Variants in GDPD2 observed in about 807,000 individuals in gnomAD.
GDPD2 encodes the protein glycerophosphodiester phosphodiesterase 3.
In GDPD2, 23 loss-of-function variants were observed where a neutral mutation model predicts 49.2. The ratio of observed to expected loss-of-function variants is 0.47; its 90% CI spans 0.34 to 0.66. The LOEUF (loss-of-function observed/expected upper bound fraction) is 0.66, where lower values mean the gene tolerates loss of function less well. Among genes scored for constraint, GDPD2 ranks in the 30% least tolerant of loss-of-function variants. The probability of loss-of-function intolerance (pLI) is 0.01; values close to 1 mark genes in which losing one functional copy is unlikely to be tolerated. For missense variants in GDPD2, 338 were observed against 424.7 expected (o/e 0.80, Z 1.79); for synonymous variants, 167 against 171.4 (o/e 0.97, Z 0.20).
chrX:70,432,993 G>T, intron 15 of GDPD2, 41 bp from the exon 16 acceptor site: 2 of 1,177,463 alleles, frequency 1.7e-6, no homozygotes, highest in South Asian at 3.6e-5. Flanking sequence ...CTTTCCCCTT[G>T]CTTAACTCCC....
chrX:70,430,187 G>C, intron 12 of GDPD2, 124 bp downstream of exon 12: 1 of 612,930 alleles, frequency 1.6e-6, no homozygotes, highest in Non-Finnish European at 2.5e-6. Flanking sequence ...CAGAACACTT[G>C]CCATGTATCA....
At chrX:70,429,204 G>C (rs2086452867) in intron 10 of GDPD2, among the ~76,000 whole-genome samples, 1 of 111,596 alleles carries the variant, frequency 9.0e-6, no homozygotes, top group Admixed American at 9.5e-5. Flanking sequence ...GCTAGAAAGG[G>C]GCTGATGAAC....
Position 70,433,169 on chromosome X carries a change from C to A in GDPD2, c.*83C>A. ...GGAGAGTGGCTTAAGTGGAATGCTT[C>A]AGGGGTGGTGGGTTGCAAGTGGGGG... On this transcript the variant is annotated 3_prime_UTR_variant, in exon 16 of 16. Coordinates refer to ENST00000374382, the MANE Select transcript of GDPD2 (RefSeq NM_017711.4). The A allele has an allele frequency of 1.3e-6, 1 of 787,396 alleles. No homozygotes were observed. Among genetic ancestry groups the A allele is most frequent in the Non-Finnish European group, 1.9e-6 (1 of 525,488 alleles). The allele number at this position is 787,396 out of a possible 1,213,427, so 64.9% of individuals were successfully genotyped here. A position where few individuals can be genotyped will look rare whatever the true frequency, so the allele number is the denominator to read the frequency against.
At chrX:70,432,184 A>G in intron 12 of GDPD2, 123 bp from the exon 13 acceptor site, 1 of 548,036 alleles carries the variant, frequency 1.8e-6, no homozygotes, top group Non-Finnish European at 3.0e-6. Flanking sequence ...GCTGCTATGG[A>G]AAGGCAGAGC....
At chrX:70,426,542 G>T in intron 6 of GDPD2, 73 bp downstream of exon 6, 2 of 1,059,490 alleles carry the variant, frequency 1.9e-6, no homozygotes, top group Admixed American at 2.3e-5. Flanking sequence ...TCTCGCTCCT[G>T]TTCCCCCAAG....
rs766054771 is a variant in GDPD2 at position 70,425,888 on chromosome X, C to T, written c.303+32C>T. The T allele has an allele frequency of 2.4e-5, 23 of 948,897 alleles. No homozygotes were observed. In the South Asian group the frequency reaches 3.9e-4, roughly 16 times the overall value. The allele number at this position is 948,897 out of a possible 1,213,427, so 78.2% of individuals were successfully genotyped here. ...CCGGAGGCCGCTGGCCTAACCCCAC[C>T]TCAGCCTTCCTTCCTGCTTAGTTTT... On this transcript the variant is annotated intron_variant, in intron 4 of 15. Coordinates refer to ENST00000374382, the MANE Select transcript of GDPD2 (RefSeq NM_017711.4).
intron 5 of GDPD2, 116 bp downstream of exon 5, chrX:70,426,227 C>A: frequency 1.3e-6 from 1 of 793,476 alleles, no homozygotes; most frequent in Non-Finnish European, 1.9e-6. Flanking sequence ...GGACCTGAAG[C>A]CCAGTAAGTG....
chrX:70,431,617 C>T (rs1206721192), intron 12 of GDPD2, among the ~76,000 whole-genome samples: 1 of 113,045 alleles, frequency 8.8e-6, no homozygotes, highest in Non-Finnish European at 1.9e-5. Context: ...GGCATGGTGG[C>T]TCCCACCTGT....
chrX:70,428,011 A>T (rs757087214), intron 10 of GDPD2: 1 of 112,492 alleles, frequency 8.9e-6, no homozygotes, highest in Non-Finnish European at 1.9e-5. Context: ...AAAGTAAAAC[A>T]TCAGAGAAAT....
chrX:70,428,654 G>A (rs1331766152), intron 10 of GDPD2, among the ~76,000 whole-genome samples: 2 of 112,130 alleles, frequency 1.8e-5, no homozygotes, highest in Non-Finnish European at 3.8e-5. Flanking sequence ...CTTACTGGCT[G>A]TGTGACCCGA....
At chrX:70,431,906 C>T (rs937964012) in intron 12 of GDPD2, among the ~76,000 whole-genome samples, 6 of 110,739 alleles carry the variant, frequency 5.4e-5, no homozygotes, top group Non-Finnish European at 1.9e-5. Flanking sequence ...TTTTCAGAGA[C>T]GGGCCCCATA....
chrX:70,432,718 T>C (rs1289111028), intron 14 of GDPD2, 57 bp downstream of exon 14: 1 of 902,815 alleles, frequency 1.1e-6, no homozygotes, highest in Non-Finnish European at 1.6e-6. Flanking sequence ...GCCCTGGTGA[T>C]GAGGCTGCTT....
Position 70,432,626 on chromosome X carries a change from C to T in GDPD2, c.1503C>T (p.Ser501=), listed in dbSNP as rs1340205176. 8.3e-7 allele frequency: 1 copy of T among 1,205,556 alleles called. No individual in the cohort carries two copies. The change falls in exon 14 of 16, where the codon TCC becomes TCT. Residue 501 remains serine, a synonymous_variant. Coordinates refer to ENST00000374382, the MANE Select transcript of GDPD2 (RefSeq NM_017711.4). ...TATGGGTCATTACCAATTGTGTTTCCACCATGCTGCTTTTGTGGACCTTCC... is the reference window on the plus strand; with the variant it reads ...TATGGGTCATTACCAATTGTGTTTCTACCATGCTGCTTTTGTGGACCTTCC... The part of the protein sequence containing the change: ...LIIWVITNCV[S]TMLLLWTFLL...
At chrX:70,423,815 G>A (rs900808295) in intron 1 of GDPD2, among the ~76,000 whole-genome samples, 1 of 110,854 alleles carries the variant, frequency 9.0e-6, no homozygotes, top group Non-Finnish European at 1.9e-5. Flanking sequence ...CCTGCTTACC[G>A]GACCCACCCA....
chrX:70,432,592 A>G lies in GDPD2; in HGVS notation c.1469A>G (p.Tyr490Cys). Residue 490 changes from tyrosine to cysteine, a missense_variant, in exon 14 of 16, where the codon TAC becomes TGC. Tyr to Cys is a radical substitution (Grantham distance 194, BLOSUM62 -2). This residue lies in a region of GDPD2 where 253 missense variants were observed against 330.4 expected (regional missense o/e 0.77). Transcript: ENST00000374382. ...CTATTTTCACAGACCCCTCAAACCT[A>G]CCTAATCATATGGGTCATTACCAAT... ...YPIWLITPQTYLIIWVITNCV... is the reference protein window; with the variant it reads ...YPIWLITPQTCLIIWVITNCV... The G allele has an allele frequency of 2.5e-6, 3 of 1,198,530 alleles. No individual in the cohort carries two copies. The highest frequency in any genetic ancestry group is 3.4e-6 in the Non-Finnish European group (3 of 884,591).
chrX:70,433,083 G>A lies in GDPD2; in HGVS notation c.1617G>A (p.Glu539=), dbSNP rs1166775199. Residue 539 remains glutamate, a synonymous_variant, in exon 16 of 16, where the codon GAG becomes GAA. Transcript: ENST00000374382. ...LLTRINNFMM[E] is the part of the protein sequence containing the mutation. ...CAAGGATCAACAATTTCATGATGGA[G>A]TGAATGCCCTGCCCTGCTTCCCCAC... 4.2e-6 allele frequency: 5 copies of A among 1,191,878 alleles called. No homozygotes were observed. The highest frequency in any genetic ancestry group is 5.7e-6 in the Non-Finnish European group (5 of 878,941).
Position 70,425,352 on chromosome X carries a change from A to G in GDPD2, c.106-2A>G. 1 of 1,161,329 alleles carries G rather than the reference A, an allele frequency of 8.6e-7. No homozygotes were observed. Among genetic ancestry groups the G allele is most frequent in the East Asian group, 3.0e-5 (1 of 33,640 alleles). ...GTGAGTTTCTCTCCTGCCCCTTTGC[A>G]GTGCGACTGTATCTGGTTTGGCCTG... On this transcript the variant is annotated splice_acceptor_variant, in intron 2 of 15. Coordinates refer to ENST00000374382, the MANE Select transcript of GDPD2 (RefSeq NM_017711.4). LOFTEE classifies it high-confidence loss of function.
intron 9 of GDPD2, 43 bp from the exon 10 acceptor site, chrX:70,427,270 C>T (rs2086434680): frequency 1.7e-6 from 2 of 1,204,852 alleles, no homozygotes; most frequent in African/African-American, 1.7e-5. Flanking sequence ...GACATGATGA[C>T]CAGCCCCAGA....
intron 12 of GDPD2, chrX:70,430,945 C>G: frequency 4.6e-6 from 2 of 437,407 alleles, no homozygotes; most frequent in Non-Finnish European, 7.9e-6. Context: ...CACCACTATG[C>G]AAGGCTATTT....
Sources: gnomAD v4.1 joint callset for allele counts (sites outside exome capture counted in the v4.1 genomes callset) on GRCh38, gnomAD v4.1.1 for gene constraint, gnomAD v4.1.1 regional missense constraint, MANE v1.5 for transcripts, NCBI Gene and HGNC (gene_info 2026-07-23, HGNC 2026-07-21) for gene names.